Variants in CSMD1 observed in about 807,000 individuals in gnomAD.
The protein encoded by CSMD1 is CUB and sushi domain-containing protein 1.
A neutral mutation model predicts 417.5 loss-of-function variants in CSMD1; 213 were observed. The ratio of observed to expected loss-of-function variants is 0.51; its 90% CI spans 0.46 to 0.57. The LOEUF (loss-of-function observed/expected upper bound fraction) is 0.57, where lower values mean the gene tolerates loss of function less well. Ranked by LOEUF, CSMD1 falls within the 20% of genes least tolerant of loss-of-function variation. The pLI is 0.00. For missense variants in CSMD1, 6,923 were observed against 4,529.7 expected (o/e 1.53, Z -15.17); for synonymous variants, 2,862 against 1,736.8 (o/e 1.65, Z -16.11).
intron 3 of CSMD1, among the ~76,000 whole-genome samples, chr8:4,317,256 C>G (rs1194486987): frequency 1.3e-5 from 2 of 151,630 alleles, no homozygotes; most frequent in Admixed American, 6.6e-5. Context: ...CTTTTTTTTA[C>G]TATGTATGAT....
chr8:4,805,637 G>C (rs1286465793), intron 1 of CSMD1, among the ~76,000 whole-genome samples: 2 of 152,200 alleles, frequency 1.3e-5, no homozygotes, highest in Non-Finnish European at 2.9e-5. Flanking sequence ...CCTAGTGCTT[G>C]TGAACCATCT....
chr8:4,384,482 A>G (rs1009012937), intron 3 of CSMD1, among the ~76,000 whole-genome samples: 1 of 152,220 alleles, frequency 6.6e-6, no homozygotes, highest in Non-Finnish European at 1.5e-5. Context: ...TCTACTATCT[A>G]TGAATTTGTT....
At chr8:4,016,019 C>T (rs117037604) in intron 4 of CSMD1, among the ~76,000 whole-genome samples, 378 of 152,270 alleles carry the variant, frequency 2.5e-3, no homozygotes, top group South Asian at 4.3e-3. Context: ...CACTGTCTTT[C>T]AGCCTTGGAC....
intron 1 of CSMD1, among the ~76,000 whole-genome samples, chr8:4,726,299 T>C (rs1045478984): frequency 2.6e-5 from 4 of 151,398 alleles, no homozygotes; most frequent in African/African-American, 9.7e-5. Context: ...GGCGACTAAG[T>C]GGGTAGCGGG....
At chr8:4,120,662 C>G (rs145243452) in intron 3 of CSMD1, among the ~76,000 whole-genome samples, 1 of 152,194 alleles carries the variant, frequency 6.6e-6, no homozygotes, top group Non-Finnish European at 1.5e-5. Flanking sequence ...AACTTCATCA[C>G]GTGACTTTTA....
At chr8:4,141,174 C>G (rs1014740526) in intron 3 of CSMD1, among the ~76,000 whole-genome samples, 6 of 151,154 alleles carry the variant, frequency 4.0e-5, no homozygotes, top group Non-Finnish European at 8.8e-5. Context: ...CTCACAGTTT[C>G]AAAAAATTAT....
At chr8:4,838,772 A>G (rs1335704952) in intron 1 of CSMD1, among the ~76,000 whole-genome samples, 2 of 152,164 alleles carry the variant, frequency 1.3e-5, no homozygotes, top group African/African-American at 2.4e-5. Context: ...CAGACCTCCC[A>G]CCCAGAGTTT....
At chr8:3,665,752 G>A (rs576556725) in intron 7 of CSMD1, among the ~76,000 whole-genome samples, 34 of 109,094 alleles carry the variant, frequency 3.1e-4, no homozygotes, top group African/African-American at 9.1e-4. Context: ...ATATAGGAAG[G>A]TGTTTATCCA....
At chr8:4,043,437 ACAT>A (rs1287611132) in intron 3 of CSMD1, among the ~76,000 whole-genome samples, 8 of 152,358 alleles carry the variant, frequency 5.3e-5, no homozygotes, top group Admixed American at 3.9e-4. Context: ...TGCAAGGTGC[ACAT>A]CATGATAATG....
intron 5 of CSMD1, among the ~76,000 whole-genome samples, chr8:3,863,265 C>A (rs1025545622): frequency 2.0e-5 from 3 of 151,978 alleles, no homozygotes; most frequent in African/African-American, 7.2e-5. Flanking sequence ...GGTCTGGTGG[C>A]AGGCACCTGT....
chr8:3,713,747 C>T (rs1451404311), intron 6 of CSMD1, among the ~76,000 whole-genome samples: 1 of 152,174 alleles, frequency 6.6e-6, no homozygotes, highest in African/African-American at 2.4e-5. Context: ...TGAGGAGATG[C>T]CATTGCAAAT....
chr8:4,174,068 G>A lies in CSMD1; in HGVS notation c.416-141969C>T, dbSNP rs535134231. ...TGGTTTAGGCCTGGGCCACCTGCCT[G>A]CTTATGATCCAATCAACATCAGGGA... is the stretch of plus-strand genomic sequence containing the variant. On this transcript the variant is annotated intron_variant, in intron 3 of 69. Coordinates refer to ENST00000635120, the MANE Select transcript of CSMD1 (RefSeq NM_033225.6). Among the ~76,000 whole-genome samples the A allele has an allele frequency of 3.7e-4, 56 of 152,248 alleles. No homozygotes were observed. In the South Asian group the frequency reaches 4.8e-3, roughly 13 times the overall value.
intron 7 of CSMD1, among the ~76,000 whole-genome samples, chr8:3,649,388 A>G (rs1482700031): frequency 6.6e-6 from 1 of 152,222 alleles, no homozygotes; most frequent in African/African-American, 2.4e-5. Flanking sequence ...ATTCATCTGT[A>G]TTAGTTCGTT....
chr8:4,077,333 T>C (rs199786962), intron 3 of CSMD1, among the ~76,000 whole-genome samples: 2 of 115,232 alleles, frequency 1.7e-5, no homozygotes, highest in African/African-American at 3.7e-5. Flanking sequence ...GGTAGACATA[T>C]AGATTATATA....
intron 3 of CSMD1, among the ~76,000 whole-genome samples, chr8:4,302,351 T>C (rs1382097988): frequency 1.3e-5 from 2 of 152,202 alleles, no homozygotes; most frequent in East Asian, 1.9e-4. Context: ...TAGTGATTCA[T>C]AGTGATAATG....
intron 2 of CSMD1, among the ~76,000 whole-genome samples, chr8:4,615,869 T>C (rs1198932345): frequency 6.6e-6 from 1 of 152,172 alleles, no homozygotes; most frequent in Non-Finnish European, 1.5e-5. Context: ...AAAAGCATTC[T>C]TTTTTCACTG....
At chr8:4,397,371 T>C (rs1261116680) in intron 3 of CSMD1, among the ~76,000 whole-genome samples, 1 of 152,080 alleles carries the variant, frequency 6.6e-6, no homozygotes, top group Admixed American at 6.6e-5. Context: ...GAAAAAGATA[T>C]AATCTTAAGT....
chr8:3,620,209 G>T (rs954548725), intron 7 of CSMD1, among the ~76,000 whole-genome samples: 4 of 152,060 alleles, frequency 2.6e-5, no homozygotes, highest in African/African-American at 9.7e-5. Context: ...CTTCAAAAAT[G>T]AAAGGGAAAT....
intron 5 of CSMD1, among the ~76,000 whole-genome samples, chr8:3,862,419 T>C (rs535545381): frequency 6.6e-6 from 1 of 152,164 alleles, no homozygotes; most frequent in South Asian, 2.1e-4. Flanking sequence ...TCACTTGTCT[T>C]TCATTACATT....
Sources: allele counts gnomAD v4.1 joint callset (sites outside exome capture counted in the v4.1 genomes callset), GRCh38; gene constraint gnomAD v4.1.1; transcripts MANE v1.5; gene names NCBI Gene and HGNC (gene_info 2026-07-23, HGNC 2026-07-21).